FOXP2: variants seen among roughly 807,000 people sequenced by gnomAD.
FOXP2 encodes forkhead box protein P2.
A neutral mutation model predicts 115.8 loss-of-function variants in FOXP2; 12 were observed. That is an observed-to-expected ratio of 0.10 (90% CI 0.07 to 0.17). The LOEUF (loss-of-function observed/expected upper bound fraction) is 0.17, where lower values mean the gene tolerates loss of function less well. Ranked by LOEUF, FOXP2 falls within the 10% of genes least tolerant of loss-of-function variation. FOXP2 has a pLI of 1.00. For synonymous variants in FOXP2, 328 were observed against 297.7 expected, an observed-to-expected ratio of 1.10 and a Z score of -1.05; for missense variants, 629 against 843.5, an observed-to-expected ratio of 0.75 and a Z score of 3.15.
intron 3 of FOXP2, among the ~76,000 whole-genome samples, chr7:114,552,345 C>T (rs1800250791): frequency 6.6e-6 from 1 of 152,124 alleles, no homozygotes; most frequent in Non-Finnish European, 1.5e-5. Flanking sequence ...ACTGTATGAC[C>T]TTCAGGAGGG....
At chr7:114,557,917 C>A (rs1774759279) in intron 3 of FOXP2, among the ~76,000 whole-genome samples, 1 of 152,010 alleles carries the variant, frequency 6.6e-6, no homozygotes, top group South Asian at 2.1e-4. Flanking sequence ...TCAAGCAGTT[C>A]TCTGTGTCAG....
intron 2 of FOXP2, among the ~76,000 whole-genome samples, chr7:114,344,785 A>G (rs1791302329): frequency 6.6e-6 from 1 of 151,866 alleles, no homozygotes; most frequent in African/African-American, 2.4e-5. Context: ...AATAACGGTA[A>G]AATAATCATC....
chr7:114,204,662 C>T (rs1489836764), intron 1 of FOXP2, among the ~76,000 whole-genome samples: 1 of 152,148 alleles, frequency 6.6e-6, no homozygotes, highest in Non-Finnish European at 1.5e-5. Flanking sequence ...GCACAATATT[C>T]TTGCCTATCA....
rs116559094 is a variant in FOXP2 at position 114,638,502 on chromosome 7, T to C, written c.776-3908T>C. Among the ~76,000 whole-genome samples, 578 of 152,292 alleles carry C rather than the reference T, an allele frequency of 3.8e-3. 5 individuals are homozygous for C. The highest frequency in any genetic ancestry group is 0.013 in the African/African-American group (551 of 41,576). ...CAAGCCTTCAAAGCTCATAAAACTTTCAAAATTGTACAAAATCGATTGGCT... is the reference window on the plus strand; with the variant it reads ...CAAGCCTTCAAAGCTCATAAAACTTCCAAAATTGTACAAAATCGATTGGCT... On this transcript the variant is annotated intron_variant, in intron 6 of 16. Transcript: ENST00000350908.
intron 1 of FOXP2, chr7:114,285,293 C>T (rs1162976643): frequency 6.6e-6 from 1 of 152,042 alleles, no homozygotes; most frequent in Non-Finnish European, 1.5e-5. Flanking sequence ...AATAGCAGCC[C>T]TGTGGCTTGT....
At chr7:114,526,629 C>T (rs1327611841) in intron 2 of FOXP2, among the ~76,000 whole-genome samples, 2 of 152,138 alleles carry the variant, frequency 1.3e-5, no homozygotes, top group African/African-American at 2.4e-5. Flanking sequence ...CTGCAAACTA[C>T]TTCTACTTCA....
At chr7:114,542,769 T>A (rs1330126995) in intron 3 of FOXP2, among the ~76,000 whole-genome samples, 1 of 150,784 alleles carries the variant, frequency 6.6e-6, no homozygotes, top group Non-Finnish European at 1.5e-5. Context: ...TGGAATAAAT[T>A]TTTTTGTTTT....
chr7:114,584,162 C>G (rs142495238), intron 3 of FOXP2, among the ~76,000 whole-genome samples: 2,048 of 152,258 alleles, frequency 0.013, 24 homozygotes, highest in South Asian at 0.021. Context: ...TCAGGGCTCT[C>G]TGACTCTAAG....
intron 2 of FOXP2, among the ~76,000 whole-genome samples, chr7:114,526,246 A>G (rs956427868): frequency 6.7e-6 from 1 of 149,100 alleles, no homozygotes; most frequent in African/African-American, 2.5e-5. Context: ...TGGGAGGCCA[A>G]GACGGATGGA....
intron 1 of FOXP2, among the ~76,000 whole-genome samples, chr7:114,100,412 A>G (rs879409896): frequency 6.6e-6 from 1 of 152,124 alleles, no homozygotes; most frequent in African/African-American, 2.4e-5. Flanking sequence ...CTTTATCTCA[A>G]TTTTTCTCTA....
At chr7:114,481,623 CTGCACTTAGA>C (rs1372417484) in intron 2 of FOXP2, among the ~76,000 whole-genome samples, 2 of 151,376 alleles carry the variant, frequency 1.3e-5, no homozygotes, top group African/African-American at 4.8e-5. Context: ...TACTGACTCT[CTGCACTTAGA>C]GTCCTGCTTC....
intron 2 of FOXP2, among the ~76,000 whole-genome samples, chr7:114,476,082 AC>A (rs1464334603): frequency 1.3e-5 from 2 of 148,900 alleles, no homozygotes; most frequent in African/African-American, 4.9e-5. Context: ...CTCTGTGGAT[AC>A]TTGGGTTTTT....
intron 2 of FOXP2, among the ~76,000 whole-genome samples, chr7:114,507,112 T>G (rs1174867317): frequency 6.6e-6 from 1 of 151,812 alleles, no homozygotes; most frequent in Non-Finnish European, 1.5e-5. Flanking sequence ...TCAGTTGGTG[T>G]CCTGGAAGTA....
intron 1 of FOXP2, among the ~76,000 whole-genome samples, chr7:114,183,798 TATA>T (rs2129155645): frequency 6.6e-6 from 1 of 152,302 alleles, no homozygotes; most frequent in South Asian, 2.1e-4. Context: ...GATGCGCTGT[TATA>T]ATTTTTAGGT....
intron 1 of FOXP2, among the ~76,000 whole-genome samples, chr7:114,163,681 A>T (rs1792898146): frequency 6.6e-6 from 1 of 152,236 alleles, no homozygotes; most frequent in Admixed American, 6.5e-5. Context: ...GATTATATAG[A>T]AACATAGAAT....
At chr7:114,146,663 CT>C (rs1457489390) in intron 1 of FOXP2, among the ~76,000 whole-genome samples, 1 of 152,128 alleles carries the variant, frequency 6.6e-6, no homozygotes, top group African/African-American at 2.4e-5. Context: ...ACGTAAAAAA[CT>C]TCAGGAATGC....
intron 2 of FOXP2, among the ~76,000 whole-genome samples, chr7:114,407,326 G>C (rs546059743): frequency 6.6e-6 from 1 of 151,970 alleles, no homozygotes; most frequent in East Asian, 1.9e-4. Context: ...TCAAACATCA[G>C]ACCACCAAGA....
chr7:114,368,118 T>C (rs940468), intron 2 of FOXP2, among the ~76,000 whole-genome samples: 63,281 of 152,006 alleles, frequency 0.42, 14,249 homozygotes, highest in East Asian at 0.86. Flanking sequence ...TTAATTATTA[T>C]TTTTAGTTGC....
At chr7:114,503,174 A>T (rs1423831462) in intron 2 of FOXP2, among the ~76,000 whole-genome samples, 1 of 151,934 alleles carries the variant, frequency 6.6e-6, no homozygotes, top group African/African-American at 2.4e-5. Context: ...AGCAAAATAT[A>T]TCCTGAGTCA....
Sources: gnomAD v4.1 joint callset for allele counts (sites outside exome capture counted in the v4.1 genomes callset) on GRCh38, gnomAD v4.1.1 for gene constraint, MANE v1.5 for transcripts, NCBI Gene and HGNC (gene_info 2026-07-23, HGNC 2026-07-21) for gene names.